ZNF652: variants seen among roughly 807,000 people sequenced by gnomAD.
ZNF652 encodes zinc finger protein 652.
A neutral mutation model predicts 45.2 loss-of-function variants in ZNF652; 16 were observed. The ratio of observed to expected loss-of-function variants is 0.35; its 90% CI spans 0.24 to 0.54. The LOEUF (loss-of-function observed/expected upper bound fraction) is 0.54, where lower values mean the gene tolerates loss of function less well. Among genes scored for constraint, ZNF652 ranks in the 20% least tolerant of loss-of-function variants. The pLI, the probability that ZNF652 is intolerant of heterozygous loss-of-function variation, is 0.91. For missense variants in ZNF652, 614 were observed against 765.6 expected (o/e 0.80, Z 2.34); for synonymous variants, 250 against 260.6 (o/e 0.96, Z 0.39).
chr17:49,303,393 A>G (rs1390575436), intron 5 of ZNF652, among the ~76,000 whole-genome samples: 1 of 151,708 alleles, frequency 6.6e-6, no homozygotes, highest in Non-Finnish European at 1.5e-5. Flanking sequence ...GGCATGCACC[A>G]CCATACCTGG....
chr17:49,336,678 G>C (rs1338656625), intron 1 of ZNF652, among the ~76,000 whole-genome samples: 2 of 150,700 alleles, frequency 1.3e-5, no homozygotes, highest in African/African-American at 4.9e-5. Flanking sequence ...CCAGGCTGGA[G>C]TACAAAGACG....
rs2069475878 is a variant in ZNF652, at chr17:49,296,268, A to G, written c.*2145T>C. 1 of 152,634 alleles carries G rather than the reference A, an allele frequency of 6.6e-6. No homozygotes were observed. The highest frequency in any genetic ancestry group is 2.4e-5 in the African/African-American group (1 of 41,450). The allele number at this position is 152,634 out of a possible 1,614,324, so 9.5% of individuals were successfully genotyped here. On this transcript the variant is annotated 3_prime_UTR_variant, in exon 6 of 6. Transcript: ENST00000430262. Reference sequence around the variant, plus strand: ...ATCCAAAACCAGGAAGTATGTCTTGATATACTTTTCTGCCTCATTCCAAAA... The same window carrying G: ...ATCCAAAACCAGGAAGTATGTCTTGGTATACTTTTCTGCCTCATTCCAAAA...
At chr17:49,356,376 C>A (rs1417434652) in intron 1 of ZNF652, among the ~76,000 whole-genome samples, 1 of 128,154 alleles carries the variant, frequency 7.8e-6, no homozygotes, top group African/African-American at 3.0e-5. Context: ...CTGCAATGAG[C>A]CGAGATCACA....
chr17:49,294,122 T>G lies in ZNF652; in HGVS notation c.*4291A>C, dbSNP rs1405752495. On this transcript the variant is annotated 3_prime_UTR_variant, in exon 6 of 6. Coordinates refer to ENST00000430262, the MANE Select transcript of ZNF652 (RefSeq NM_001145365.3). ...ACTTCCAGTGAAATAATAATGGAAC[T>G]AAACATACATATCTATTCAACAATC... Among the ~76,000 whole-genome samples, 5 of 152,124 alleles carry G rather than the reference T, an allele frequency of 3.3e-5. No individual in the cohort carries two copies. The highest frequency in any genetic ancestry group is 7.4e-5 in the Non-Finnish European group (5 of 68,010).
intron 1 of ZNF652, among the ~76,000 whole-genome samples, chr17:49,323,302 T>C (rs1212801815): frequency 6.6e-6 from 1 of 152,220 alleles, no homozygotes; most frequent in Non-Finnish European, 1.5e-5. Context: ...TTCCATCTGT[T>C]TGGGTTTTAT....
intron 1 of ZNF652, among the ~76,000 whole-genome samples, chr17:49,348,845 AGT>A (rs908548043): frequency 6.6e-6 from 1 of 152,070 alleles, no homozygotes; most frequent in African/African-American, 2.4e-5. Context: ...CACTCATCCT[AGT>A]GTGTTTTTTC....
chr17:49,356,204 G>T (rs966221829), intron 1 of ZNF652, among the ~76,000 whole-genome samples: 1 of 151,862 alleles, frequency 6.6e-6, no homozygotes, highest in Non-Finnish European at 1.5e-5. Flanking sequence ...AAGGCAGGTG[G>T]ATCATAAGGA....
intron 1 of ZNF652, among the ~76,000 whole-genome samples, chr17:49,334,314 C>G (rs1464774731): frequency 6.6e-6 from 1 of 152,084 alleles, no homozygotes; most frequent in East Asian, 1.9e-4. Flanking sequence ...GACCTCGTCT[C>G]TACAAAAAGT....
intron 1 of ZNF652, among the ~76,000 whole-genome samples, chr17:49,332,324 GAATA>G (rs1184084113): frequency 2.0e-5 from 3 of 152,188 alleles, no homozygotes; most frequent in South Asian, 2.1e-4. Flanking sequence ...CAAGAGGTAT[GAATA>G]AATAGTCTAA....
At chr17:49,306,365 TAAG>T (rs917065669) in intron 5 of ZNF652, among the ~76,000 whole-genome samples, 1 of 152,226 alleles carries the variant, frequency 6.6e-6, no homozygotes, top group African/African-American at 2.4e-5. Context: ...CAAATTAATA[TAAG>T]AAATCATTTC....
chr17:49,303,189 A>C (rs1235426424), intron 5 of ZNF652, among the ~76,000 whole-genome samples: 3 of 151,462 alleles, frequency 2.0e-5, no homozygotes, highest in Non-Finnish European at 4.4e-5. Flanking sequence ...AACAAATGTT[A>C]CCAGTGATTA....
chr17:49,360,281 A>G (rs1375000597), intron 1 of ZNF652, among the ~76,000 whole-genome samples: 1 of 152,154 alleles, frequency 6.6e-6, no homozygotes, highest in African/African-American at 2.4e-5. Flanking sequence ...AACTAAACAA[A>G]ACACACAACG....
At chr17:49,305,553 C>A (rs2069617614) in intron 5 of ZNF652, among the ~76,000 whole-genome samples, 1 of 152,156 alleles carries the variant, frequency 6.6e-6, no homozygotes, top group African/African-American at 2.4e-5. Flanking sequence ...GTGCTTACAA[C>A]AGTATCTGGT....
chr17:49,320,943 G>A (rs2069882967), intron 1 of ZNF652, among the ~76,000 whole-genome samples: 1 of 151,928 alleles, frequency 6.6e-6, no homozygotes, highest in Non-Finnish European at 1.5e-5. Flanking sequence ...CACGCCTCTT[G>A]GGTTCAAGCA....
intron 1 of ZNF652, among the ~76,000 whole-genome samples, chr17:49,348,197 AAAAACTGCAAGGAGGCTGCGC>A (rs1233287992): frequency 1.3e-5 from 2 of 152,158 alleles, no homozygotes; most frequent in Non-Finnish European, 2.9e-5. Flanking sequence ...TTCCTCAACA[AAAAACTGCAAGGAGGCTGCGC>A]ATGGTGGCGT....
intron 1 of ZNF652, among the ~76,000 whole-genome samples, chr17:49,351,862 CTG>C (rs1243865136): frequency 4.6e-5 from 7 of 152,092 alleles, no homozygotes; most frequent in Non-Finnish European, 1.0e-4. Flanking sequence ...TGGCACATGT[CTG>C]TAAGCCCAGC....
chr17:49,343,261 CA>C (rs1346471700), intron 1 of ZNF652, among the ~76,000 whole-genome samples: 3 of 152,180 alleles, frequency 2.0e-5, no homozygotes, highest in Non-Finnish European at 2.9e-5. Flanking sequence ...TTCAGTAAAA[CA>C]AAAGTCCCAA....
chr17:49,308,816 A>G (rs1391781389), intron 5 of ZNF652, among the ~76,000 whole-genome samples: 1 of 151,748 alleles, frequency 6.6e-6, no homozygotes, highest in Non-Finnish European at 1.5e-5. Context: ...AAAAAAAAAA[A>G]GTTTTGTGGG....
chr17:49,329,197 A>C (rs570951768), intron 1 of ZNF652, among the ~76,000 whole-genome samples: 51 of 152,358 alleles, frequency 3.3e-4, no homozygotes, highest in African/African-American at 1.2e-3. Flanking sequence ...ACTTTTAACA[A>C]ACTAAAGACT....
Sources: allele counts gnomAD v4.1 joint callset (sites outside exome capture counted in the v4.1 genomes callset), GRCh38; gene constraint gnomAD v4.1.1; transcripts MANE v1.5; gene names NCBI Gene and HGNC (gene_info 2026-07-23, HGNC 2026-07-21).